The following ACACB variants were observed in gnomAD, a reference collection of about 807,000 sequenced individuals.
The protein encoded by ACACB is acetyl-CoA carboxylase beta, also known as acetyl-CoA carboxylase 2.
In ACACB, 209 loss-of-function variants were observed where a neutral mutation model predicts 278.8. That is an observed-to-expected ratio of 0.75 (90% CI 0.67 to 0.84). ACACB has a LOEUF of 0.84. Among genes scored for constraint, ACACB ranks in the 40% least tolerant of loss-of-function variants. The pLI is 0.00. For synonymous variants in ACACB, 1,174 were observed against 1,285.6 expected (o/e 0.91, Z 1.86); for missense variants, 2,850 against 3,269.0 (o/e 0.87, Z 3.13).
intron 13 of ACACB, among the ~76,000 whole-genome samples, chr12:109,189,248 A>G (rs902020063): frequency 1.3e-5 from 2 of 152,248 alleles, no homozygotes; most frequent in East Asian, 1.9e-4. Flanking sequence ...TTAGCCACGA[A>G]TTAAATTGAG....
chr12:109,224,169 C>G (rs1389856470), intron 27 of ACACB, among the ~76,000 whole-genome samples: 1 of 152,196 alleles, frequency 6.6e-6, no homozygotes, highest in African/African-American at 2.4e-5. Flanking sequence ...AGATTCCATG[C>G]TAGTTACCAC....
intron 17 of ACACB, 75 bp downstream of exon 17, chr12:109,197,228 T>G: frequency 4.0e-6 from 6 of 1,517,766 alleles, no homozygotes; most frequent in African/African-American, 1.4e-5. Context: ...AACACAGCAC[T>G]GGCCTGTGTG....
At chr12:109,140,596 G>A (rs988475836) in intron 2 of ACACB, among the ~76,000 whole-genome samples, 8 of 152,174 alleles carry the variant, frequency 5.3e-5, no homozygotes, top group Non-Finnish European at 1.2e-4. Context: ...AGTGGAGGTT[G>A]CAGTGAGCTG....
Position 109,166,750 on chromosome 12 carries a change from G to C in ACACB, c.654-111G>C, listed in dbSNP as rs561646884. 1.1e-4 allele frequency: 158 copies of C among 1,379,408 alleles called. No homozygotes were observed. In the African/African-American group the frequency reaches 1.9e-3, roughly 16 times the overall value. The allele number at this position is 1,379,408 out of a possible 1,614,324, so 85.4% of individuals were successfully genotyped here. A position where few individuals can be genotyped will look rare whatever the true frequency, so the allele number is the denominator to read the frequency against. On this transcript the variant is annotated intron_variant, in intron 2 of 52. Transcript: ENST00000338432. Reference sequence around the variant, plus strand: ...GCTCTGGAGAGCAAGTGCAAAGCAGGGGGGCTCTGGTGCAGTTTGGCTCCT... The same window carrying C: ...GCTCTGGAGAGCAAGTGCAAAGCAGCGGGGCTCTGGTGCAGTTTGGCTCCT...
At position 109,212,924 on chromosome 12, in the gene ACACB, A is replaced by G; in HGVS notation, c.3338A>G (p.Gln1113Arg). ...VFFINTQSIV[Q>R]LVQRYRSGIR... ...TTCATCAACACCCAGAGCATCGTGC[A>G]GTTGGTCCAGAGGTGAATCCTGGGT... is the stretch of plus-strand genomic sequence containing the variant. Residue 1113 changes from glutamine (Q) to arginine (R), a missense_variant, in exon 22 of 53, where the codon CAG (glutamine) becomes CGG (arginine). Coordinates refer to ENST00000338432, the MANE Select transcript of ACACB (RefSeq NM_001093.4). 6.2e-7 allele frequency: 1 copy of G among 1,614,060 alleles called. No individual in the cohort carries two copies. Among genetic ancestry groups the G allele is most frequent in the Non-Finnish European group, 8.5e-7 (1 of 1,179,914 alleles).
intron 2 of ACACB, among the ~76,000 whole-genome samples, chr12:109,160,038 C>T (rs1462756460): frequency 6.7e-6 from 1 of 149,510 alleles, no homozygotes; most frequent in Non-Finnish European, 1.5e-5. Context: ...TGCAGTGAGC[C>T]GAGATGGTGC....
At chr12:109,260,728 G>C (rs1219338827) in intron 48 of ACACB, 71 bp downstream of exon 48, 2 of 1,395,256 alleles carry the variant, frequency 1.4e-6, no homozygotes, top group Non-Finnish European at 9.4e-7. Context: ...ATGACCTTGG[G>C]AGATCATGGA....
At chr12:109,247,466 T>A (rs564793340) in intron 39 of ACACB, 140 bp from the exon 40 acceptor site, 5 of 658,088 alleles carry the variant, frequency 7.6e-6, no homozygotes, top group Non-Finnish European at 1.4e-5. Context: ...GGTATTTACA[T>A]GAGATGTGTT....
At chr12:109,151,185 A>G (rs113614580) in intron 2 of ACACB, among the ~76,000 whole-genome samples, 20 of 152,064 alleles carry the variant, frequency 1.3e-4, no homozygotes, top group Middle Eastern at 3.4e-3. Flanking sequence ...GGGTTTCACC[A>G]TGTTGTCCAG....
Position 109,253,164 on chromosome 12 carries a change from G to A in ACACB, c.6045+6G>A, listed in dbSNP as rs1223934707. 1.9e-6 allele frequency: 3 copies of A among 1,559,754 alleles called. No individual in the cohort carries two copies. Among genetic ancestry groups the A allele is most frequent in the African/African-American group, 2.7e-5 (2 of 73,806 alleles). On this transcript the variant is annotated splice_donor_region_variant and intron_variant, in intron 43 of 52. Coordinates refer to ENST00000338432, the MANE Select transcript of ACACB (RefSeq NM_001093.4). ...GGCTGTCCTATATGCCAAAGGTGCA[G>A]TACTCCCCCTGCAGCTTAGAACCTG...
chr12:109,257,805 A>G (rs1482044986), intron 45 of ACACB, among the ~76,000 whole-genome samples: 2 of 152,206 alleles, frequency 1.3e-5, no homozygotes, highest in Non-Finnish European at 2.9e-5. Context: ...TCCTGGACTC[A>G]AGCAATCCTC....
Position 109,260,294 on chromosome 12 carries a change from G to A in ACACB, c.6497-186G>A, listed in dbSNP as rs540353943. 2.8e-5 allele frequency: 31 copies of A among 1,124,994 alleles called. No homozygotes were observed. The East Asian group carries it at 5.5e-4, about 20-fold the overall frequency. 69.7% of individuals were successfully genotyped at this position (1,124,994 alleles called of 1,614,324 possible). On this transcript the variant is annotated intron_variant, in intron 47 of 52. Coordinates refer to ENST00000338432, the MANE Select transcript of ACACB (RefSeq NM_001093.4). ...GATGAGGCCACTGAGGCCCACACTGGGTGAATGACCTGTTCGAGGTCACAC... is the reference window on the plus strand; with the variant it reads ...GATGAGGCCACTGAGGCCCACACTGAGTGAATGACCTGTTCGAGGTCACAC...
chr12:109,213,114 A>C (rs2045896685), intron 22 of ACACB, among the ~76,000 whole-genome samples, 178 bp downstream of exon 22: 1 of 152,112 alleles, frequency 6.6e-6, no homozygotes, highest in Non-Finnish European at 1.5e-5. Context: ...ACTTCTGTAA[A>C]TCTCTGTTTG....
chr12:109,116,196 A>G (rs1341407806), upstream of ACACB, among the ~76,000 whole-genome samples: 3 of 152,224 alleles, frequency 2.0e-5, no homozygotes, highest in Non-Finnish European at 2.9e-5. Flanking sequence ...AAATCTTTTC[A>G]GGGGAGAGAA....
chr12:109,263,394 C>G (rs991707293), intron 49 of ACACB: 8 of 152,172 alleles, frequency 5.3e-5, no homozygotes, highest in African/African-American at 2.4e-5. Flanking sequence ...CCAGGCTGGT[C>G]TTGAACTCCT....
intron 7 of ACACB, among the ~76,000 whole-genome samples, chr12:109,174,706 TA>T (rs34920588): frequency 5.9e-4 from 85 of 144,910 alleles, no homozygotes; most frequent in East Asian, 1.0e-3. Flanking sequence ...CCAGAAAAAG[TA>T]AAAAAAAAAA....
upstream of ACACB, among the ~76,000 whole-genome samples, chr12:109,112,155 G>A (rs1008705481): frequency 1.5e-4 from 22 of 146,884 alleles, no homozygotes; most frequent in African/African-American, 4.9e-4. Flanking sequence ...AATATAAAAT[G>A]TATATTTTAA....
At chr12:109,251,241 C>G (rs2268385) in intron 41 of ACACB, among the ~76,000 whole-genome samples, 34,276 of 152,076 alleles carry the variant, frequency 0.23, 4,361 homozygotes, top group East Asian at 0.36. Context: ...TTCCCTGGAG[C>G]CAGCTGTGAC....
At chr12:109,257,946 G>A (rs947874625) in intron 45 of ACACB, among the ~76,000 whole-genome samples, 9 of 152,126 alleles carry the variant, frequency 5.9e-5, no homozygotes, top group Admixed American at 4.6e-4. Flanking sequence ...CACGTTCCAC[G>A]TGCAGCCCAC....
Sources: allele counts gnomAD v4.1 joint callset (sites outside exome capture counted in the v4.1 genomes callset), GRCh38; gene constraint gnomAD v4.1.1; transcripts MANE v1.5; gene names NCBI Gene and HGNC (gene_info 2026-07-23, HGNC 2026-07-21).